PRUNE2: variants seen among roughly 807,000 people sequenced by gnomAD.
The protein encoded by PRUNE2 is prune homolog 2 with BCH domain, also known as protein prune homolog 2.
A neutral mutation model predicts 252.0 loss-of-function variants in PRUNE2; 164 were observed. That is an observed-to-expected ratio of 0.65 (90% CI 0.57 to 0.74). The LOEUF (loss-of-function observed/expected upper bound fraction) is 0.74. Among genes scored for constraint, PRUNE2 ranks in the 30% least tolerant of loss-of-function variants. The pLI is 0.00. For missense variants in PRUNE2, 3,495 were observed against 3,711.0 expected (o/e 0.94, Z 1.51); for synonymous variants, 1,292 against 1,350.2 (o/e 0.96, Z 0.94).
At chr9:76,851,728 T>C (rs2059972200) in intron 2 of PRUNE2, among the ~76,000 whole-genome samples, 1 of 152,228 alleles carries the variant, frequency 6.6e-6, no homozygotes, top group East Asian at 1.9e-4. Context: ...TCGTGATCTC[T>C]ATTGATTTCT....
chr9:76,750,655 G>A (rs570950500), intron 6 of PRUNE2, among the ~76,000 whole-genome samples: 1 of 152,094 alleles, frequency 6.6e-6, no homozygotes, highest in Non-Finnish European at 1.5e-5. Context: ...AGAGTCCATG[G>A]GCTAGTCTTG....
At chr9:76,850,060 GT>G (rs368632247) in intron 3 of PRUNE2, among the ~76,000 whole-genome samples, 1 of 151,396 alleles carries the variant, frequency 6.6e-6, no homozygotes, top group East Asian at 2.0e-4. Context: ...TTTGTTTGTT[GT>G]TTTTTTTGAA....
intron 6 of PRUNE2, among the ~76,000 whole-genome samples, chr9:76,772,290 G>A (rs898629445): frequency 3.3e-5 from 5 of 152,068 alleles, no homozygotes; most frequent in Admixed American, 3.3e-4. Flanking sequence ...CTTTCTCAGG[G>A]ATGGACTCTT....
Position 76,644,289 on chromosome 9 carries a change from TAA to T in PRUNE2, c.8728+448_8728+449del, listed in dbSNP as rs199884035. 5.5e-3 allele frequency among the ~76,000 whole-genome samples: 835 copies of T among 152,034 alleles called. 5 individuals carry two copies. The highest frequency in any genetic ancestry group is 0.019 in the African/African-American group (787 of 41,462). On this transcript the variant is annotated intron_variant, in intron 12 of 18. Coordinates refer to ENST00000376718, the MANE Select transcript of PRUNE2 (RefSeq NM_015225.3). ...CAGTTAGGGGAAACAATTACCAGGC[TAA>T]GTCTAAAAAAAAAATCCCCAAAGCT...
At chr9:76,761,601 T>C (rs1200274461) in intron 6 of PRUNE2, among the ~76,000 whole-genome samples, 1 of 152,238 alleles carries the variant, frequency 6.6e-6, no homozygotes, top group Non-Finnish European at 1.5e-5. Flanking sequence ...TGGGAGTTTT[T>C]GTTGTCATGT....
chr9:76,896,973 C>A lies in PRUNE2; in HGVS notation c.36+8955G>T, dbSNP rs534311130. ...AAGCTAATCACACACATTCTCCTCCCAATCGTTTATCAGTTAATTTTCTTT... is the reference window on the plus strand; with the variant it reads ...AAGCTAATCACACACATTCTCCTCCAAATCGTTTATCAGTTAATTTTCTTT... On this transcript the variant is annotated intron_variant, in intron 1 of 18. Coordinates refer to ENST00000376718, the MANE Select transcript of PRUNE2 (RefSeq NM_015225.3). Among the ~76,000 whole-genome samples the A allele has an allele frequency of 7.9e-5, 12 of 152,310 alleles. No homozygotes were observed. In the South Asian group the frequency reaches 2.5e-3, roughly 32 times the overall value.
chr9:76,676,020 C>G (rs1038907917), intron 9 of PRUNE2, among the ~76,000 whole-genome samples: 1 of 149,518 alleles, frequency 6.7e-6, no homozygotes, highest in Non-Finnish European at 1.5e-5. Flanking sequence ...ACGTATGTAA[C>G]TAACCTGCAC....
chr9:76,898,321 A>G (rs12341543), intron 1 of PRUNE2, among the ~76,000 whole-genome samples: 27,483 of 152,192 alleles, frequency 0.18, 2,955 homozygotes, highest in African/African-American at 0.29. Flanking sequence ...TTATGGGCTC[A>G]GATATAAGGA....
chr9:76,743,645 G>A (rs916191985), intron 6 of PRUNE2, among the ~76,000 whole-genome samples: 1 of 152,124 alleles, frequency 6.6e-6, no homozygotes, highest in African/African-American at 2.4e-5. Context: ...TATAAATATT[G>A]ATCTTATTTG....
At chr9:76,748,227 A>G (rs1054865694) in intron 6 of PRUNE2, among the ~76,000 whole-genome samples, 3 of 152,342 alleles carry the variant, frequency 2.0e-5, no homozygotes, top group East Asian at 1.9e-4. Flanking sequence ...TGGGGAGAAA[A>G]GATAGTTCAA....
Position 76,704,851 on chromosome 9 carries a change from A to G in PRUNE2, c.7423T>C (p.Ser2475Pro). The G allele has an allele frequency of 1.9e-6, 3 of 1,599,452 alleles. No homozygotes were observed. Among genetic ancestry groups the G allele is most frequent in the Non-Finnish European group, 2.6e-6 (3 of 1,172,006 alleles). Residue 2475 changes from serine to proline, a missense_variant, in exon 8 of 19, where the codon TCC (serine) becomes CCC (proline). Ser to Pro is a moderately conservative substitution (Grantham distance 74). Coordinates refer to ENST00000376718, the MANE Select transcript of PRUNE2 (RefSeq NM_015225.3). ...ESVYLPVGAG[S>P]NILSPSNVDW... ...ACGTTTGATGGAGACAAAATGTTGG[A>G]GCCTGCTCCTACCGGCAAATAAACG...
chr9:76,731,324 A>ATATATAT (rs1332074252), intron 6 of PRUNE2, among the ~76,000 whole-genome samples: 42 of 106,794 alleles, frequency 3.9e-4, no homozygotes, highest in African/African-American at 1.2e-3. Flanking sequence ...ATATATATAT[A>ATATATAT]TTTTTTTTTT....
Position 76,704,989 on chromosome 9 carries a change from T to C in PRUNE2, c.7285A>G (p.Ile2429Val). The change falls in exon 8 of 19, where the codon ATA becomes GTA. Residue 2429 changes from isoleucine to valine, a missense_variant. Physicochemically the swap from Ile to Val is conservative, Grantham distance 29 (BLOSUM62 3). Coordinates refer to ENST00000376718, the MANE Select transcript of PRUNE2 (RefSeq NM_015225.3). ...DESLGCRAAE[I>V]VLSALPDRRS... ...CGATCAGGAAGTGCAGAAAGCACTA[T>C]CTCTGCTGCTCTGCATCCCAGAGAT... 6.2e-7 allele frequency: 1 copy of C among 1,613,788 alleles called. No homozygotes were observed. Among genetic ancestry groups the C allele is most frequent in the South Asian group, 1.1e-5 (1 of 91,040 alleles).
chr9:76,659,021 G>C (rs1850290087), intron 9 of PRUNE2, among the ~76,000 whole-genome samples: 1 of 152,202 alleles, frequency 6.6e-6, no homozygotes, highest in Non-Finnish European at 1.5e-5. Flanking sequence ...AGAAGGCTTA[G>C]GAGCAAGCGT....
intron 1 of PRUNE2, among the ~76,000 whole-genome samples, chr9:76,900,989 T>C (rs1179759877): frequency 6.6e-6 from 1 of 152,180 alleles, no homozygotes; most frequent in African/African-American, 2.4e-5. Flanking sequence ...GTTGACAAAA[T>C]AGTCCCCATA....
intron 9 of PRUNE2, among the ~76,000 whole-genome samples, chr9:76,664,915 TCTTA>T (rs1203513644): frequency 6.6e-6 from 1 of 152,214 alleles, no homozygotes; most frequent in African/African-American, 2.4e-5. Context: ...TGGCATTCAC[TCTTA>T]CTTTCTTTTC....
intron 6 of PRUNE2, among the ~76,000 whole-genome samples, chr9:76,811,839 T>G (rs780135130): frequency 6.6e-6 from 1 of 152,176 alleles, no homozygotes; most frequent in Non-Finnish European, 1.5e-5. Context: ...TGGTGACATA[T>G]GGAAAGACTT....
Position 76,703,375 on chromosome 9 carries a change from C to A in PRUNE2, c.8238G>T (p.Glu2746Asp), listed in dbSNP as rs1311403970. The A allele has an allele frequency of 2.5e-6, 4 of 1,608,156 alleles. No individual in the cohort carries two copies. Among genetic ancestry groups the A allele is most frequent in the African/African-American group, 2.7e-5 (2 of 74,910 alleles). ...IPDTEMEEET[E>D]FLELGTRISR... Reference sequence around the variant, plus strand: ...ATATCCTGGTTCCGAGCTCAAGGAACTCTGTCTCCTCCTCCATTTCCGTGT... The same window carrying A: ...ATATCCTGGTTCCGAGCTCAAGGAAATCTGTCTCCTCCTCCATTTCCGTGT... The change falls in exon 9 of 19, where the codon GAG becomes GAT. Residue 2746 changes from glutamate (E) to aspartate (D), a missense_variant. Physicochemically the swap from Glu to Asp is conservative, Grantham distance 45 (BLOSUM62 2). Coordinates refer to ENST00000376718, the MANE Select transcript of PRUNE2 (RefSeq NM_015225.3).
intron 6 of PRUNE2, among the ~76,000 whole-genome samples, chr9:76,787,824 C>G (rs1010588788): frequency 1.3e-5 from 2 of 152,156 alleles, no homozygotes; most frequent in Admixed American, 1.3e-4. Context: ...AGGAGAAAGC[C>G]CCGTCTAGTT....
Sources: allele counts gnomAD v4.1 joint callset (sites outside exome capture counted in the v4.1 genomes callset), GRCh38; gene constraint gnomAD v4.1.1; transcripts MANE v1.5; gene names NCBI Gene and HGNC (gene_info 2026-07-23, HGNC 2026-07-21).